Variants in NELL1 observed in about 807,000 individuals in gnomAD.
NELL1 encodes protein kinase C-binding protein NELL1.
NELL1 carries 76 observed loss-of-function variants against 107.4 expected under a neutral mutation model. That is an observed-to-expected ratio of 0.71 (90% CI 0.59 to 0.86). The LOEUF is 0.86. NELL1 is among the 40% of genes least tolerant of loss of function. The pLI is 0.00. For synonymous variants in NELL1, 353 were observed against 341.2 expected, an observed-to-expected ratio of 1.03 and a Z score of -0.38; for missense variants, 1,024 against 1,005.5, an observed-to-expected ratio of 1.02 and a Z score of -0.25.
chr11:20,717,641 T>C (rs2133904155), intron 2 of NELL1, among the ~76,000 whole-genome samples: 1 of 152,266 alleles, frequency 6.6e-6, no homozygotes, highest in Middle Eastern at 3.4e-3. Context: ...TTACTCATCG[T>C]CTCTTTTTAA....
At chr11:21,498,518 T>G (rs1317531280) in intron 15 of NELL1, among the ~76,000 whole-genome samples, 2 of 151,630 alleles carry the variant, frequency 1.3e-5, no homozygotes, top group Non-Finnish European at 3.0e-5. Context: ...TATATAGTAT[T>G]CTATTTGAAG....
chr11:21,130,390 G>A (rs1446262062), intron 13 of NELL1, among the ~76,000 whole-genome samples: 2 of 152,150 alleles, frequency 1.3e-5, no homozygotes, highest in Non-Finnish European at 2.9e-5. Flanking sequence ...TAAATGGAAA[G>A]CAAGGACTTA....
intron 13 of NELL1, among the ~76,000 whole-genome samples, chr11:21,119,798 A>G (rs907203786): frequency 6.6e-6 from 1 of 152,056 alleles, no homozygotes; most frequent in Non-Finnish European, 1.5e-5. Flanking sequence ...GGTTTTTGGA[A>G]TAGTCAACCA....
rs1365720829 is a variant in NELL1, at chr11:20,783,819, A to G, written c.324A>G (p.Glu108=). ...CAGGAGTGATACTGTCCATTCGAGAACTGGAGCACAGGTAAGAAAGCTCTT... is the reference window on the plus strand; with the variant it reads ...CAGGAGTGATACTGTCCATTCGAGAGCTGGAGCACAGGTAAGAAAGCTCTT... ...STSGVILSIR[E]LEHSYFELES... Residue 108 remains glutamate, a synonymous_variant, in exon 3 of 20, where the codon GAA becomes GAG. Coordinates refer to ENST00000357134, the MANE Select transcript of NELL1 (RefSeq NM_006157.5). 1 of 1,611,548 alleles carries G rather than the reference A, an allele frequency of 6.2e-7. No homozygotes were observed. Among genetic ancestry groups the G allele is most frequent in the Non-Finnish European group, 8.5e-7 (1 of 1,179,002 alleles).
chr11:20,819,378 T>C (rs1857697862), intron 3 of NELL1, among the ~76,000 whole-genome samples: 1 of 152,174 alleles, frequency 6.6e-6, no homozygotes, highest in South Asian at 2.1e-4. Context: ...GATTGGTACC[T>C]GTACTTTGTC....
intron 13 of NELL1, among the ~76,000 whole-genome samples, chr11:21,172,251 G>A (rs1252042239): frequency 6.6e-6 from 1 of 151,776 alleles, no homozygotes; most frequent in African/African-American, 2.4e-5. Context: ...TAGTAATTCT[G>A]CAGGACAAAA....
At chr11:20,927,244 A>G (rs1850517038) in intron 7 of NELL1, 64 bp from the exon 8 acceptor site, 3 of 1,484,394 alleles carry the variant, frequency 2.0e-6, no homozygotes, top group South Asian at 2.6e-5. Flanking sequence ...TCTTGTTGCT[A>G]TTAGCTTTGT....
At chr11:21,455,320 CTTT>C (rs34607165) in intron 15 of NELL1, among the ~76,000 whole-genome samples, 11 of 77,192 alleles carry the variant, frequency 1.4e-4, no homozygotes, top group South Asian at 5.2e-4. Context: ...TTCTTTTATT[CTTT>C]TTTTTTTTTT....
intron 4 of NELL1, among the ~76,000 whole-genome samples, chr11:20,865,147 G>C (rs1849071146): frequency 6.6e-6 from 1 of 152,172 alleles, no homozygotes; most frequent in Non-Finnish European, 1.5e-5. Context: ...TGAGCTTAAG[G>C]CTTCACTTGT....
At chr11:20,783,629 C>T (rs777532217) in intron 2 of NELL1, 51 bp from the exon 3 acceptor site, 1 of 1,388,084 alleles carries the variant, frequency 7.2e-7, no homozygotes, top group East Asian at 2.4e-5. Flanking sequence ...TACTCCTTCT[C>T]CTTCCTCTTC....
At chr11:20,935,744 T>A in intron 9 of NELL1, 1 of 152,410 alleles carries the variant, frequency 6.6e-6, no homozygotes, top group Non-Finnish European at 1.5e-5. Flanking sequence ...GACGACAGCC[T>A]GAACAAAGAC....
At chr11:20,696,518 A>G (rs1310592617) in intron 2 of NELL1, among the ~76,000 whole-genome samples, 2 of 152,078 alleles carry the variant, frequency 1.3e-5, no homozygotes, top group Non-Finnish European at 2.9e-5. Context: ...TGCCACATTT[A>G]TTTTAAACTA....
At chr11:20,994,601 T>C (rs1306455546) in intron 12 of NELL1, among the ~76,000 whole-genome samples, 1 of 152,176 alleles carries the variant, frequency 6.6e-6, no homozygotes, top group Non-Finnish European at 1.5e-5. Flanking sequence ...GTAGGGAAAA[T>C]GTAAATTACA....
chr11:21,194,847 C>G (rs975104127), intron 13 of NELL1, among the ~76,000 whole-genome samples: 1 of 152,102 alleles, frequency 6.6e-6, no homozygotes, highest in African/African-American at 2.4e-5. Context: ...GTGCTTAGCA[C>G]AGACCCGAGT....
intron 13 of NELL1, among the ~76,000 whole-genome samples, chr11:21,140,442 C>A (rs1441217075): frequency 2.0e-5 from 3 of 152,104 alleles, no homozygotes; most frequent in Non-Finnish European, 4.4e-5. Context: ...CTGTTAGATG[C>A]ACTGGAGTTT....
intron 15 of NELL1, among the ~76,000 whole-genome samples, chr11:21,391,548 A>G (rs1258392648): frequency 6.6e-6 from 1 of 151,172 alleles, no homozygotes; most frequent in African/African-American, 2.4e-5. Context: ...TTTTATTATT[A>G]TTTTTTTCTT....
intron 15 of NELL1, among the ~76,000 whole-genome samples, chr11:21,413,877 CA>C (rs1265591848): frequency 6.6e-6 from 1 of 152,026 alleles, no homozygotes; most frequent in Non-Finnish European, 1.5e-5. Flanking sequence ...TGTCAGGAGG[CA>C]GGGGGCATCA....
chr11:21,261,917 T>C (rs1442574865), intron 14 of NELL1, among the ~76,000 whole-genome samples: 1 of 151,880 alleles, frequency 6.6e-6, no homozygotes, highest in Non-Finnish European at 1.5e-5. Context: ...ATAGCACATT[T>C]CTTTGCTACT....
chr11:20,848,317 G>T (rs774958214), intron 4 of NELL1, among the ~76,000 whole-genome samples: 37 of 152,190 alleles, frequency 2.4e-4, no homozygotes, highest in Non-Finnish European at 5.3e-4. Flanking sequence ...GTCAGGGGAT[G>T]GTGGGACCAG....
Sources: allele counts gnomAD v4.1 joint callset (sites outside exome capture counted in the v4.1 genomes callset), GRCh38; gene constraint gnomAD v4.1.1; transcripts MANE v1.5; gene names NCBI Gene and HGNC (gene_info 2026-07-23, HGNC 2026-07-21).